Variants in ZBTB20 observed in about 807,000 individuals in gnomAD.
ZBTB20 encodes the protein zinc finger and BTB domain-containing protein 20.
ZBTB20 carries 9 observed loss-of-function variants against 56.9 expected under a neutral mutation model. The ratio of observed to expected loss-of-function variants is 0.16; its 90% CI spans 0.10 to 0.28. ZBTB20 has a LOEUF of 0.28. ZBTB20 is among the 10% of genes least tolerant of loss of function. The probability of loss-of-function intolerance (pLI) is 1.00; values close to 1 mark genes in which losing one functional copy is unlikely to be tolerated. For synonymous variants in ZBTB20, 417 were observed against 420.7 expected (o/e 0.99, Z 0.11); for missense variants, 655 against 1,003.0 (o/e 0.65, Z 4.69).
chr3:114,928,819 A>T (rs560592681), intron 3 of ZBTB20, among the ~76,000 whole-genome samples: 1 of 152,376 alleles, frequency 6.6e-6, no homozygotes, highest in South Asian at 2.1e-4. Context: ...GGATTCTGAG[A>T]ACTTTAGATC....
At chr3:114,683,078 T>C (rs2062082956) in intron 6 of ZBTB20, among the ~76,000 whole-genome samples, 1 of 152,204 alleles carries the variant, frequency 6.6e-6, no homozygotes, top group Non-Finnish European at 1.5e-5. Context: ...TGGAATATCA[T>C]GTCCTTTTGT....
rs560467582 is a variant in ZBTB20 at position 115,100,749 on chromosome 3, G to C, written c.-702-29335C>G. ...ATTTTTTGCATATAAGCAGGAAATAGTGAAATGCATAGCTTATTTGTGCAA... is the reference window on the plus strand; with the variant it reads ...ATTTTTTGCATATAAGCAGGAAATACTGAAATGCATAGCTTATTTGTGCAA... On this transcript the variant is annotated intron_variant, in intron 1 of 11. Coordinates refer to ENST00000675478, the MANE Select transcript of ZBTB20 (RefSeq NM_001348800.3). Among the ~76,000 whole-genome samples the C allele has an allele frequency of 1.3e-4, 20 of 152,330 alleles. 1 individual carries two copies. In the South Asian group the frequency reaches 1.7e-3, roughly 13 times the overall value.
intron 5 of ZBTB20, among the ~76,000 whole-genome samples, chr3:114,793,190 G>A (rs1030786562): frequency 6.6e-6 from 1 of 151,844 alleles, no homozygotes; most frequent in African/African-American, 2.4e-5. Context: ...CCAAAGTTTT[G>A]CATTTTGATA....
intron 5 of ZBTB20, among the ~76,000 whole-genome samples, chr3:114,761,070 A>C (rs1480642910): frequency 6.6e-6 from 1 of 152,192 alleles, no homozygotes; most frequent in Non-Finnish European, 1.5e-5. Context: ...GTGTTATTTA[A>C]CATTTTGCTT....
At chr3:114,966,255 A>T (rs537314932) in intron 3 of ZBTB20, among the ~76,000 whole-genome samples, 8 of 152,250 alleles carry the variant, frequency 5.3e-5, no homozygotes, top group South Asian at 2.1e-4. Flanking sequence ...GTGAGACGGT[A>T]ACTCCAGGTT....
intron 2 of ZBTB20, among the ~76,000 whole-genome samples, chr3:115,028,970 C>A (rs1346252001): frequency 6.7e-6 from 1 of 150,152 alleles, no homozygotes; most frequent in African/African-American, 2.4e-5. Flanking sequence ...GCAATACCAC[C>A]TAACATGAAC....
intron 2 of ZBTB20, among the ~76,000 whole-genome samples, chr3:114,990,531 C>T (rs1179544823): frequency 9.9e-5 from 15 of 151,968 alleles, no homozygotes; most frequent in Non-Finnish European, 2.2e-4. Flanking sequence ...ATTTTTGCAT[C>T]GATGTTTTCA....
At chr3:114,907,683 C>T in intron 3 of ZBTB20, among the ~76,000 whole-genome samples, 1 of 151,966 alleles carries the variant, frequency 6.6e-6, no homozygotes, top group African/African-American at 2.4e-5. Context: ...TTTGTCATCA[C>T]CACCTAGTTC....
intron 1 of ZBTB20, among the ~76,000 whole-genome samples, chr3:115,072,558 C>T (rs1371788735): frequency 6.6e-6 from 1 of 152,150 alleles, no homozygotes; most frequent in Non-Finnish European, 1.5e-5. Context: ...GTCACAGCAA[C>T]GCATAATCCA....
chr3:115,016,783 TTGCTTTTTGGG>T (rs1250412045), intron 2 of ZBTB20, among the ~76,000 whole-genome samples: 2 of 151,832 alleles, frequency 1.3e-5, no homozygotes, highest in African/African-American at 4.8e-5. Flanking sequence ...AGGATTGTCT[TTGCTTTTTGGG>T]TGCTTTTTGG....
At chr3:114,395,596 A>C (rs1364926409) in intron 7 of ZBTB20, among the ~76,000 whole-genome samples, 1 of 152,184 alleles carries the variant, frequency 6.6e-6, no homozygotes, top group Non-Finnish European at 1.5e-5. Flanking sequence ...ACCTCTCTGG[A>C]AAGTGGTGAG....
At chr3:114,810,254 A>G (rs2072420109) in intron 4 of ZBTB20, among the ~76,000 whole-genome samples, 1 of 152,160 alleles carries the variant, frequency 6.6e-6, no homozygotes, top group Non-Finnish European at 1.5e-5. Flanking sequence ...GTGGTAGCTT[A>G]CCAAAGTTCA....
chr3:114,952,864 G>T (rs757534318), intron 3 of ZBTB20, among the ~76,000 whole-genome samples: 54 of 151,980 alleles, frequency 3.6e-4, no homozygotes, highest in Non-Finnish European at 7.4e-4. Context: ...TCTCCAGACA[G>T]AAGACAAATG....
intron 5 of ZBTB20, among the ~76,000 whole-genome samples, chr3:114,769,830 G>A (rs759096697): frequency 2.6e-4 from 39 of 152,108 alleles, no homozygotes; most frequent in South Asian, 4.1e-4. Context: ...AGGACGAGGT[G>A]GGTGGATCAC....
At chr3:114,762,305 T>C (rs1271026893) in intron 5 of ZBTB20, among the ~76,000 whole-genome samples, 2 of 152,208 alleles carry the variant, frequency 1.3e-5, no homozygotes, top group African/African-American at 4.8e-5. Flanking sequence ...TCTTTTCAAA[T>C]AATCCCATGC....
At chr3:114,892,560 C>T (rs543513355) in intron 4 of ZBTB20, among the ~76,000 whole-genome samples, 4 of 152,202 alleles carry the variant, frequency 2.6e-5, no homozygotes, top group South Asian at 2.1e-4. Flanking sequence ...GATGATGTGG[C>T]TAGGTTGGAA....
At chr3:114,843,210 A>C (rs1028276872) in intron 4 of ZBTB20, among the ~76,000 whole-genome samples, 7 of 152,278 alleles carry the variant, frequency 4.6e-5, no homozygotes, top group Admixed American at 2.6e-4. Context: ...TCTTTATAGC[A>C]GTGTCAAAAT....
chr3:114,737,638 AT>A (rs2066274179), intron 5 of ZBTB20, among the ~76,000 whole-genome samples: 2 of 152,180 alleles, frequency 1.3e-5, no homozygotes, highest in Admixed American at 1.3e-4. Context: ...TTTTTTCAGA[AT>A]TTTTGTTTCC....
chr3:114,512,191 A>G (rs934801226), intron 6 of ZBTB20, among the ~76,000 whole-genome samples: 1 of 152,186 alleles, frequency 6.6e-6, no homozygotes, highest in Non-Finnish European at 1.5e-5. Flanking sequence ...GGGGACTAAA[A>G]GGAACTAATT....
Sources: allele counts gnomAD v4.1 joint callset (sites outside exome capture counted in the v4.1 genomes callset), GRCh38; gene constraint gnomAD v4.1.1; transcripts MANE v1.5; gene names NCBI Gene and HGNC (gene_info 2026-07-23, HGNC 2026-07-21).